NCKAP5: variants seen among roughly 807,000 people sequenced by gnomAD.
NCKAP5 encodes the protein nck-associated protein 5.
NCKAP5 carries 92 observed loss-of-function variants against 167.0 expected under a neutral mutation model. The ratio of observed to expected loss-of-function variants is 0.55; its 90% CI spans 0.47 to 0.66. The LOEUF is 0.66. NCKAP5 is among the 30% of genes least tolerant of loss of function. NCKAP5 has a pLI of 0.00. For missense variants in NCKAP5, 2,378 were observed against 2,315.0 expected (o/e 1.03, Z -0.56); for synonymous variants, 891 against 877.4 (o/e 1.02, Z -0.27).
intron 4 of NCKAP5, among the ~76,000 whole-genome samples, chr2:133,236,312 T>G (rs2087419207): frequency 6.6e-6 from 1 of 152,124 alleles, no homozygotes; most frequent in African/African-American, 2.4e-5. Flanking sequence ...CCCTGTATTT[T>G]CCTTAGGAGC....
chr2:133,385,080 T>C (rs1251301728), intron 3 of NCKAP5, among the ~76,000 whole-genome samples: 2 of 152,196 alleles, frequency 1.3e-5, no homozygotes, highest in Non-Finnish European at 2.9e-5. Flanking sequence ...CTTCCAACAC[T>C]ATGTTGAATA....
chr2:133,228,058 C>A (rs1418352736), intron 4 of NCKAP5, among the ~76,000 whole-genome samples: 1 of 152,160 alleles, frequency 6.6e-6, no homozygotes, highest in Non-Finnish European at 1.5e-5. Context: ...CGTTTTAATT[C>A]TCTGGAGTAA....
intron 6 of NCKAP5, among the ~76,000 whole-genome samples, chr2:133,124,008 T>C (rs933588082): frequency 3.9e-5 from 6 of 152,076 alleles, no homozygotes; most frequent in African/African-American, 1.4e-4. Flanking sequence ...AATGAACGAG[T>C]TAAGCGGTAA....
At chr2:133,053,640 C>A (rs911838794) in intron 6 of NCKAP5, among the ~76,000 whole-genome samples, 1 of 152,174 alleles carries the variant, frequency 6.6e-6, no homozygotes, top group Non-Finnish European at 1.5e-5. Context: ...TAATCTGTTT[C>A]CCTTACCATT....
At chr2:133,638,564 G>A in the NCKAP5 span, among the ~76,000 whole-genome samples, 25 of 152,226 alleles carry the variant, frequency 1.6e-4, no homozygotes, top group Admixed American at 1.2e-3. Flanking sequence ...AAAAGACTCC[G>A]AAAAAGTTTC....
intron 6 of NCKAP5, among the ~76,000 whole-genome samples, chr2:133,065,791 C>T (rs2080172800): frequency 6.6e-6 from 1 of 152,162 alleles, no homozygotes; most frequent in African/African-American, 2.4e-5. Context: ...AGAGATCAGC[C>T]TCCTCAAAGC....
At chr2:133,527,086 G>A (rs2104806161) in intron 2 of NCKAP5, 1 of 151,972 alleles carries the variant, frequency 6.6e-6, no homozygotes, top group East Asian at 1.9e-4. Context: ...TCTTTGAGCA[G>A]GCTGTGGAGA....
intron 3 of NCKAP5, among the ~76,000 whole-genome samples, chr2:133,317,972 T>C (rs1049702747): frequency 6.6e-6 from 1 of 152,206 alleles, no homozygotes; most frequent in South Asian, 2.1e-4. Context: ...ATATTTTCAC[T>C]GTGCAGCTCC....
intron 4 of NCKAP5, among the ~76,000 whole-genome samples, chr2:133,295,259 T>C (rs1260752752): frequency 1.3e-5 from 2 of 152,208 alleles, no homozygotes; most frequent in African/African-American, 4.8e-5. Context: ...AGCAGTTAGA[T>C]AGATCACCAC....
chr2:133,144,666 T>G (rs1230265105), intron 5 of NCKAP5, among the ~76,000 whole-genome samples: 1 of 152,188 alleles, frequency 6.6e-6, no homozygotes, highest in Non-Finnish European at 1.5e-5. Context: ...CTTGTCAGTG[T>G]GCTAGAAACA....
intron 6 of NCKAP5, among the ~76,000 whole-genome samples, chr2:133,000,426 T>C (rs1300262699): frequency 6.6e-6 from 1 of 152,166 alleles, no homozygotes; most frequent in Non-Finnish European, 1.5e-5. Flanking sequence ...GCTCATCTTC[T>C]AGAGCCAATG....
At chr2:132,915,156 T>C (rs1038743810) in intron 8 of NCKAP5, among the ~76,000 whole-genome samples, 56 of 152,184 alleles carry the variant, frequency 3.7e-4, no homozygotes, top group African/African-American at 1.3e-3. Context: ...ATGGACCATT[T>C]GATGGATCTG....
chr2:133,657,494 T>A, the NCKAP5 span, among the ~76,000 whole-genome samples: 1 of 152,222 alleles, frequency 6.6e-6, no homozygotes. Flanking sequence ...CCTTCTCTCC[T>A]CCTGTTCCTT....
At chr2:133,082,098 C>A (rs1016712265) in intron 6 of NCKAP5, among the ~76,000 whole-genome samples, 2 of 152,054 alleles carry the variant, frequency 1.3e-5, no homozygotes, top group East Asian at 3.9e-4. Flanking sequence ...TATGTGTTCT[C>A]AATGTTGAGC....
chr2:132,818,074 A>T (rs1008365138), intron 11 of NCKAP5, among the ~76,000 whole-genome samples: 6 of 152,082 alleles, frequency 3.9e-5, no homozygotes, highest in Non-Finnish European at 8.8e-5. Context: ...CAGCCTTCTG[A>T]GTAGTTGGGA....
chr2:133,609,023 C>A, the NCKAP5 span, among the ~76,000 whole-genome samples: 54 of 152,334 alleles, frequency 3.5e-4, no homozygotes, highest in Admixed American at 3.3e-3. Flanking sequence ...TCCTGCGCCT[C>A]CTTCCACAAT....
At chr2:133,585,214 T>C in the NCKAP5 span, among the ~76,000 whole-genome samples, 6 of 152,382 alleles carry the variant, frequency 3.9e-5, no homozygotes, top group Admixed American at 3.3e-4. Context: ...ACATGTTTAA[T>C]GCAGTTTTAA....
chr2:133,613,979 A>C, the NCKAP5 span, among the ~76,000 whole-genome samples: 144 of 152,308 alleles, frequency 9.5e-4, 1 homozygote, highest in African/African-American at 3.4e-3. Context: ...GCAGGGGACT[A>C]AGATGGCAGA....
intron 6 of NCKAP5, among the ~76,000 whole-genome samples, chr2:133,033,732 A>C (rs1188773978): frequency 6.6e-6 from 1 of 152,054 alleles, no homozygotes; most frequent in African/African-American, 2.4e-5. Flanking sequence ...ACTGAAGAAC[A>C]CATCAGAGTC....
Sources: gnomAD v4.1 joint callset for allele counts (sites outside exome capture counted in the v4.1 genomes callset) on GRCh38, gnomAD v4.1.1 for gene constraint, MANE v1.5 for transcripts, NCBI Gene and HGNC (gene_info 2026-07-23, HGNC 2026-07-21) for gene names.